NUP153: variants seen among roughly 807,000 people sequenced by gnomAD.
NUP153 encodes the protein nuclear pore complex protein Nup153.
NUP153 carries 27 observed loss-of-function variants against 134.6 expected under a neutral mutation model. The ratio of observed to expected loss-of-function variants is 0.20; its 90% CI spans 0.15 to 0.28. The LOEUF is 0.28. Among genes scored for constraint, NUP153 ranks in the 10% least tolerant of loss-of-function variants. NUP153 has a pLI of 1.00. For missense variants in NUP153, 1,821 were observed against 1,731.3 expected (o/e 1.05, Z -0.92); for synonymous variants, 640 against 623.5 (o/e 1.03, Z -0.40).
intron 15 of NUP153, 84 bp from the exon 16 acceptor site, chr6:17,637,854 G>T: frequency 7.1e-7 from 1 of 1,412,140 alleles, no homozygotes. Context: ...CTGAGAAGAC[G>T]TTTACCTCAC....
intron 1 of NUP153, among the ~76,000 whole-genome samples, chr6:17,689,262 CT>C (rs1355735745): frequency 6.6e-6 from 1 of 151,960 alleles, no homozygotes; most frequent in Non-Finnish European, 1.5e-5. Context: ...TGGCGCATGC[CT>C]ATAATCCCAG....
rs1039471687 is a variant in NUP153 at position 17,706,672 on chromosome 6, G to A, written c.-285C>T. On this transcript the variant is annotated 5_prime_UTR_variant, in exon 1 of 22. Transcript: ENST00000262077. This position sits in a 1 kb window ranked among gnomAD's most constrained non-coding sequence, Gnocchi z 5.9. ...CCTCTGTGTGTGTCACGGTCTCTATGGAGATCTCCCGCAGAGGACAGCACG... is the reference window on the plus strand; with the variant it reads ...CCTCTGTGTGTGTCACGGTCTCTATAGAGATCTCCCGCAGAGGACAGCACG... 143 of 499,906 alleles carry A rather than the reference G, an allele frequency of 2.9e-4. 1 individual carries two copies. The highest frequency in any genetic ancestry group is 5.3e-4 in the Middle Eastern group (1 of 1,882). 31.0% of individuals were successfully genotyped at this position (499,906 alleles called of 1,614,324 possible).
intron 20 of NUP153, among the ~76,000 whole-genome samples, chr6:17,617,640 T>A (rs1285837942): frequency 6.6e-6 from 1 of 151,926 alleles, no homozygotes; most frequent in African/African-American, 2.4e-5. Context: ...CCCAGGAGTT[T>A]GAGAACAACC....
At chr6:17,689,161 A>G (rs1387290006) in intron 1 of NUP153, among the ~76,000 whole-genome samples, 1 of 152,056 alleles carries the variant, frequency 6.6e-6, no homozygotes, top group Non-Finnish European at 1.5e-5. Context: ...TGAGGTGGGC[A>G]GATCACCTGA....
intron 2 of NUP153, among the ~76,000 whole-genome samples, chr6:17,679,662 G>C (rs1768458092): frequency 6.6e-6 from 1 of 152,190 alleles, no homozygotes; most frequent in African/African-American, 2.4e-5. Flanking sequence ...TGGTGAGAGA[G>C]AACAGGAGGT....
In NUP153 at chr6:17,679,088, G is replaced by A. The variant is rs565220755; in HGVS notation, c.335-3318C>T. ...ACACTCAACAAACTAAGACTAGAACGAAACTACAACATAATAAAGTAAAAA... is the reference window on the plus strand; with the variant it reads ...ACACTCAACAAACTAAGACTAGAACAAAACTACAACATAATAAAGTAAAAA... On this transcript the variant is annotated intron_variant, in intron 2 of 21. Coordinates refer to ENST00000262077, the MANE Select transcript of NUP153 (RefSeq NM_005124.4). Among the ~76,000 whole-genome samples, 3 of 151,866 alleles carry A rather than the reference G, an allele frequency of 2.0e-5. No individual in the cohort carries two copies. The East Asian group carries it at 5.8e-4, about 29-fold the overall frequency.
At chr6:17,666,622 C>G (rs1363731424) in intron 8 of NUP153, among the ~76,000 whole-genome samples, 1 of 152,146 alleles carries the variant, frequency 6.6e-6, no homozygotes, top group East Asian at 1.9e-4. Context: ...CAAACCAAAC[C>G]AAAAATCTTA....
chr6:17,675,498 TG>T lies in NUP153; in HGVS notation c.583+23del. 2.5e-6 allele frequency: 4 copies of T among 1,611,952 alleles called. No homozygotes were observed. The highest frequency in any genetic ancestry group is 3.4e-6 in the Non-Finnish European group (4 of 1,178,568). On this transcript the variant is annotated intron_variant, in intron 3 of 21. Transcript: ENST00000262077. The surrounding 1 kb of genome is among the most constrained non-coding windows in gnomAD (Gnocchi z 4.4). ...AAATTTAATGTTACTACCCAAATTA[TG>T]TACTACCACATGTCAAGAATACCTT...
chr6:17,678,299 T>G (rs1419046790), intron 2 of NUP153, among the ~76,000 whole-genome samples: 1 of 136,482 alleles, frequency 7.3e-6, no homozygotes, highest in Non-Finnish European at 1.5e-5. Context: ...GAGGTTGCAG[T>G]GAGCTAAGAT....
At chr6:17,665,486 T>C in intron 8 of NUP153, 101 bp from the exon 9 acceptor site, 1 of 881,174 alleles carries the variant, frequency 1.1e-6, no homozygotes, top group Non-Finnish European at 1.7e-6. Flanking sequence ...ACCATGAGTA[T>C]TTCCCAGAGA....
intron 5 of NUP153, among the ~76,000 whole-genome samples, chr6:17,673,514 TG>T (rs1364247149): frequency 2.0e-5 from 3 of 152,114 alleles, no homozygotes; most frequent in African/African-American, 7.2e-5. Context: ...TTTAAATGGG[TG>T]GAAGATTTGA....
intron 11 of NUP153, among the ~76,000 whole-genome samples, chr6:17,657,125 T>C (rs751073367): frequency 6.6e-6 from 1 of 152,158 alleles, no homozygotes; most frequent in African/African-American, 2.4e-5. Context: ...CGGCTGAAGC[T>C]CAGGTTGATT....
chr6:17,632,312 CAAACAAACAAAA>C lies in NUP153; in HGVS notation c.2659+326_2659+337del, dbSNP rs975697194. On this transcript the variant is annotated intron_variant, in intron 17 of 21. Transcript: ENST00000262077. ...CAAAACTGTCTCAAAAACAAACAAA[CAAACAAACAAAA>C]AAACAAACAAACAAAAAAACAAAGA... Among the ~76,000 whole-genome samples, 4 of 141,646 alleles carry C rather than the reference CAAACAAACAAAA, an allele frequency of 2.8e-5. 1 individual carries two copies. The highest frequency in any genetic ancestry group is 2.5e-5 in the African/African-American group (1 of 40,816). The allele number at this position is 141,646 out of a possible 152,430, so 92.9% of individuals were successfully genotyped here.
At chr6:17,649,370 C>T in intron 11 of NUP153, 70 bp from the exon 12 acceptor site, 1 of 1,427,272 alleles carries the variant, frequency 7.0e-7, no homozygotes. Context: ...TTATTTTCAG[C>T]ATGAAAGTAT....
chr6:17,702,154 A>C (rs555134793), intron 1 of NUP153, among the ~76,000 whole-genome samples: 4 of 152,154 alleles, frequency 2.6e-5, no homozygotes, highest in Admixed American at 2.6e-4. Flanking sequence ...GAAATGGAAA[A>C]GGAAGACAGG....
chr6:17,679,341 T>A (rs140875591), intron 2 of NUP153, among the ~76,000 whole-genome samples: 1 of 152,080 alleles, frequency 6.6e-6, no homozygotes, highest in African/African-American at 2.4e-5. Flanking sequence ...GATGTGCACA[T>A]GGAAACTACA....
At chr6:17,636,315 A>G (rs866915389) in intron 16 of NUP153, among the ~76,000 whole-genome samples, 1 of 150,814 alleles carries the variant, frequency 6.6e-6, no homozygotes, top group Non-Finnish European at 1.5e-5. Flanking sequence ...AGCCTGGGTG[A>G]CACAGTGAGA....
In NUP153 at chr6:17,629,167, T is replaced by G; in HGVS notation, c.3032A>C (p.Lys1011Thr). The change falls in exon 18 of 22, where the codon AAA (lysine) becomes ACA (threonine). Residue 1011 changes from lysine to threonine, a missense_variant. Lys to Thr is a moderately conservative substitution (Grantham distance 78). Transcript: ENST00000262077. ...AGAGGAAGATTTGGGCAGTTCCTCTTTCTTTTCTTCCTGTCCAAGATTAGA... is the reference window on the plus strand; with the variant it reads ...AGAGGAAGATTTGGGCAGTTCCTCTGTCTTTTCTTCCTGTCCAAGATTAGA... ...GVSNLGQEEK[K>T]EELPKSSSAG... is the part of the protein sequence containing the mutation. The G allele has an allele frequency of 6.2e-7, 1 of 1,613,192 alleles. No individual in the cohort carries two copies. The highest frequency in any genetic ancestry group is 8.5e-7 in the Non-Finnish European group (1 of 1,179,834).
At position 17,629,497 on chromosome 6, in the gene NUP153, G is replaced by A; in HGVS notation, c.2702C>T (p.Ser901Leu). The change falls in exon 18 of 22, where the codon TCA becomes TTA. Residue 901 changes from serine (S) to leucine (L), a missense_variant. Physicochemically the swap from Ser to Leu is moderately radical, Grantham distance 145. Coordinates refer to ENST00000262077, the MANE Select transcript of NUP153 (RefSeq NM_005124.4). ...TGATGAGACACCAAATTTGAAGGAT[G>A]AGGAGGCTGCTGAGTTCGAAGATGA... ...SSSSSNSAAS[S>L]SFKFGVSSSS... The A allele has an allele frequency of 1.9e-6, 3 of 1,606,264 alleles. No individual in the cohort carries two copies. Among genetic ancestry groups the A allele is most frequent in the Non-Finnish European group, 2.5e-6 (3 of 1,178,136 alleles).
Sources: gnomAD v4.1 joint callset for allele counts (sites outside exome capture counted in the v4.1 genomes callset) on GRCh38, gnomAD v4.1.1 for gene constraint, Gnocchi (gnomAD v3.1) non-coding constraint, MANE v1.5 for transcripts, NCBI Gene and HGNC (gene_info 2026-07-23, HGNC 2026-07-21) for gene names.